The following RAD51B variants were observed in gnomAD, a reference collection of about 807,000 sequenced individuals.
RAD51B encodes the protein RAD51 paralog B, also known as DNA repair protein RAD51 homolog 2.
A neutral mutation model predicts 42.2 loss-of-function variants in RAD51B; 38 were observed. That is an observed-to-expected ratio of 0.90 (90% CI 0.70 to 1.18). The LOEUF is 1.18. Ranked by LOEUF, RAD51B falls within the 50% of genes most tolerant of loss-of-function variation. RAD51B has a pLI of 0.00. For missense variants in RAD51B, 373 were observed against 400.7 expected (o/e 0.93, Z 0.59); for synonymous variants, 154 against 145.2 (o/e 1.06, Z -0.43).
At chr14:67,951,671 T>C (rs1413114326) in intron 7 of RAD51B, among the ~76,000 whole-genome samples, 1 of 152,232 alleles carries the variant, frequency 6.6e-6, no homozygotes, top group Non-Finnish European at 1.5e-5. Flanking sequence ...ATTTAGAATA[T>C]TAAATTGTAC....
intron 8 of RAD51B, among the ~76,000 whole-genome samples, chr14:68,410,789 C>A (rs913470600): frequency 6.6e-6 from 1 of 152,068 alleles, no homozygotes; most frequent in Non-Finnish European, 1.5e-5. Context: ...TTGGAGGAGG[C>A]TAGGAACTCA....
intron 7 of RAD51B, among the ~76,000 whole-genome samples, chr14:67,940,038 ATATATATATATATATATTTTTTTTT>A (rs2045114070): frequency 1.0e-4 from 1 of 9,924 alleles, no homozygotes; most frequent in African/African-American, 2.2e-4. Context: ...ATATATATAT[ATATATATATATATATATTTTTTTTT>A]TTTTTTTTTT....
chr14:68,331,277 G>A (rs895865566), intron 8 of RAD51B, among the ~76,000 whole-genome samples: 1 of 149,302 alleles, frequency 6.7e-6, no homozygotes, highest in Non-Finnish European at 1.5e-5. Context: ...CAGGAGAATT[G>A]CTTGAACCAG....
intron 10 of RAD51B, among the ~76,000 whole-genome samples, chr14:68,580,199 C>T (rs1890149974): frequency 6.6e-6 from 1 of 152,236 alleles, no homozygotes; most frequent in South Asian, 2.1e-4. Flanking sequence ...TGTATTTTCT[C>T]TCCTCCATGT....
chr14:68,188,299 CT>C (rs1233884889), intron 7 of RAD51B, among the ~76,000 whole-genome samples: 2 of 148,754 alleles, frequency 1.3e-5, no homozygotes, highest in African/African-American at 2.5e-5. Context: ...TCCCTTCTTC[CT>C]TTTTTTCTTC....
At chr14:68,592,114 G>A (rs949536627) in intron 10 of RAD51B, among the ~76,000 whole-genome samples, 3 of 152,078 alleles carry the variant, frequency 2.0e-5, no homozygotes, top group African/African-American at 7.3e-5. Flanking sequence ...GTATTAGGAG[G>A]GGGGGAATTG....
rs143181125 is a variant in RAD51B, at chr14:68,330,472, G to C, written c.853+38492G>C. 2.0e-5 allele frequency among the ~76,000 whole-genome samples: 3 copies of C among 152,270 alleles called. No individual in the cohort carries two copies. The East Asian group carries it at 5.8e-4, about 29-fold the overall frequency. On this transcript the variant is annotated intron_variant, in intron 8 of 10. Transcript: ENST00000471583. ...TACTGGGTGTGACATTGGACTAGAT[G>C]ACCTTTAAGATTTTTCTTCACTAAG...
At chr14:68,539,712 G>C (rs1234024839) in intron 10 of RAD51B, among the ~76,000 whole-genome samples, 1 of 152,214 alleles carries the variant, frequency 6.6e-6, no homozygotes, top group Non-Finnish European at 1.5e-5. Context: ...GGCCATGGAG[G>C]GCAGCCACAC....
chr14:68,235,010 A>C (rs1336111914), intron 7 of RAD51B, among the ~76,000 whole-genome samples: 1 of 152,174 alleles, frequency 6.6e-6, no homozygotes, highest in East Asian at 1.9e-4. Flanking sequence ...GTTACATATA[A>C]TATTGTTTTA....
intron 8 of RAD51B, among the ~76,000 whole-genome samples, chr14:68,375,899 G>C (rs2083358864): frequency 6.6e-6 from 1 of 152,046 alleles, no homozygotes; most frequent in Non-Finnish European, 1.5e-5. Flanking sequence ...CAGGAGAGAA[G>C]ATGATGCTAT....
chr14:68,385,067 C>T (rs2083563994), intron 8 of RAD51B, among the ~76,000 whole-genome samples: 3 of 152,006 alleles, frequency 2.0e-5, no homozygotes, highest in Admixed American at 2.0e-4. Context: ...TGCCATCTGC[C>T]TCTGTTTTGC....
At chr14:67,920,998 C>T (rs906938828) in intron 7 of RAD51B, among the ~76,000 whole-genome samples, 6 of 152,016 alleles carry the variant, frequency 3.9e-5, no homozygotes, top group African/African-American at 1.5e-4. Context: ...TGGGGAAGAC[C>T]GGGGAAACAT....
intron 10 of RAD51B, among the ~76,000 whole-genome samples, chr14:68,476,541 G>A (rs1039135320): frequency 6.6e-5 from 10 of 152,152 alleles, no homozygotes; most frequent in South Asian, 2.1e-4. Context: ...AAATGTGCTC[G>A]TGGGTGAGAA....
chr14:67,968,065 G>A (rs1019225853), intron 7 of RAD51B, among the ~76,000 whole-genome samples: 1 of 152,176 alleles, frequency 6.6e-6, no homozygotes, highest in Non-Finnish European at 1.5e-5. Context: ...ACACCACATC[G>A]AAGCTACCAA....
chr14:68,601,992 C>A (rs532644427), intron 10 of RAD51B, among the ~76,000 whole-genome samples: 7 of 152,176 alleles, frequency 4.6e-5, no homozygotes, highest in Admixed American at 1.3e-4. Context: ...ACTGCCACCC[C>A]CTCTGTGCAA....
intron 7 of RAD51B, among the ~76,000 whole-genome samples, chr14:68,069,316 A>G (rs1429726501): frequency 6.6e-6 from 1 of 151,998 alleles, no homozygotes; most frequent in African/African-American, 2.4e-5. Context: ...ATACATGTGC[A>G]GGTTTGTTAC....
At position 68,172,666 on chromosome 14, in the gene RAD51B, A is replaced by G. The variant is rs964980320; in HGVS notation, c.757-119218A>G. Among the ~76,000 whole-genome samples, 5 of 152,252 alleles carry G rather than the reference A, an allele frequency of 3.3e-5. No individual in the cohort carries two copies. In the South Asian group the frequency reaches 6.2e-4, roughly 19 times the overall value. ...GTGGAAAAAAAAAGCCCTTAAAGAA[A>G]GAGCTTAAGAGAATTAAAATGATGT... On this transcript the variant is annotated intron_variant, in intron 7 of 10. Transcript: ENST00000471583.
chr14:68,300,893 C>T (rs1191318387), intron 8 of RAD51B, among the ~76,000 whole-genome samples: 1 of 152,210 alleles, frequency 6.6e-6, no homozygotes, highest in Admixed American at 6.5e-5. Flanking sequence ...CCAGAGAAGA[C>T]AAGAGGGCAG....
At chr14:68,532,547 T>C (rs1216935788) in intron 10 of RAD51B, among the ~76,000 whole-genome samples, 1 of 152,114 alleles carries the variant, frequency 6.6e-6, no homozygotes, top group African/African-American at 2.4e-5. Flanking sequence ...AATTAGAAAA[T>C]CCAAATCAAC....
Sources: allele counts gnomAD v4.1 joint callset (sites outside exome capture counted in the v4.1 genomes callset), GRCh38; gene constraint gnomAD v4.1.1; transcripts MANE v1.5; gene names NCBI Gene and HGNC (gene_info 2026-07-23, HGNC 2026-07-21).